Variants in PROSER1 observed in about 807,000 individuals in gnomAD.
PROSER1 encodes proline and serine-rich protein 1.
Under a neutral mutation model 71.8 loss-of-function variants are expected in PROSER1, and 36 were observed. The ratio of observed to expected loss-of-function variants is 0.50; its 90% CI spans 0.38 to 0.66. The LOEUF is 0.66. Among genes scored for constraint, PROSER1 ranks in the 30% least tolerant of loss-of-function variants. The pLI is 0.00. For synonymous variants in PROSER1, 490 were observed against 452.4 expected (o/e 1.08, Z -1.06); for missense variants, 1,107 against 1,135.0 (o/e 0.98, Z 0.35).
Position 39,023,399 on chromosome 13 carries a change from G to A in PROSER1, c.565-269C>T, listed in dbSNP as rs115407654. 9.4e-3 allele frequency: 2,778 copies of A among 294,610 alleles called. 68 individuals carry two copies. Among genetic ancestry groups the A allele is most frequent in the African/African-American group, 0.055 (2,602 of 46,910 alleles). 18.2% of individuals were successfully genotyped at this position (294,610 alleles called of 1,614,324 possible). On this transcript the variant is annotated intron_variant, in intron 7 of 12. Coordinates refer to ENST00000352251, the MANE Select transcript of PROSER1 (RefSeq NM_025138.5). ...CTCCAATAAGGGGTTAGATCTCATT[G>A]TAAACAGCAAACTCCTCCCAGGCCC...
At position 39,013,666 on chromosome 13, in the gene PROSER1, C is replaced by T. The variant is rs947416151; in HGVS notation, c.1586G>A (p.Arg529Lys). Residue 529 changes from arginine (R) to lysine (K), a missense_variant, in exon 11 of 13, where the codon AGG becomes AAG. Physicochemically the swap from Arg to Lys is conservative, Grantham distance 26. Coordinates refer to ENST00000352251, the MANE Select transcript of PROSER1 (RefSeq NM_025138.5). ...CAGGGCCAACCCTGGAGTGGAAGTC[C>T]TCTGTGGGGTAGGGATGGCTGATGG... ...YAPSAIPTPQ[R>K]TSTPGLALFP... 6.2e-7 allele frequency: 1 copy of T among 1,614,124 alleles called. No individual in the cohort carries two copies.
chr13:39,029,167 T>TA (rs1870693896), intron 4 of PROSER1, 114 bp downstream of exon 4: 2 of 598,382 alleles, frequency 3.3e-6, no homozygotes, highest in Non-Finnish European at 5.7e-6. Flanking sequence ...AATGTACCAC[T>TA]ATGCTTTTGA....
chr13:39,037,498 T>C lies in PROSER1; in HGVS notation c.-256A>G. ...AGGCTTCCCCAGCTTATTCACACAA[T>C]GGTTCAGGGCACCTCGGGCAAGAGC... On this transcript the variant is annotated 5_prime_UTR_variant, in exon 1 of 13. Coordinates refer to ENST00000352251, the MANE Select transcript of PROSER1 (RefSeq NM_025138.5). The C allele has an allele frequency of 2.2e-6, 1 of 462,884 alleles. No individual in the cohort carries two copies. The allele number at this position is 462,884 out of a possible 1,614,324, so 28.7% of individuals were successfully genotyped here.
At chr13:39,030,093 T>G (rs897483000) in intron 3 of PROSER1, among the ~76,000 whole-genome samples, 2 of 152,094 alleles carry the variant, frequency 1.3e-5, no homozygotes, top group African/African-American at 4.8e-5. Context: ...CTCCTAAAAT[T>G]TGGAGGAGTG....
intron 11 of PROSER1, 167 bp downstream of exon 11, chr13:39,012,524 T>C (rs1869713887): frequency 1.5e-6 from 1 of 658,388 alleles, no homozygotes; most frequent in Non-Finnish European, 2.6e-6. Flanking sequence ...CATTAATATT[T>C]TATACATTTA....
At chr13:39,033,104 G>A (rs934382522) in intron 2 of PROSER1, among the ~76,000 whole-genome samples, 2 of 152,104 alleles carry the variant, frequency 1.3e-5, no homozygotes, top group Non-Finnish European at 2.9e-5. Context: ...TATTTTTGTA[G>A]AGATGGGGTT....
At chr13:39,029,199 A>C (rs1417202640) in intron 4 of PROSER1, 82 bp downstream of exon 4, 6 of 752,488 alleles carry the variant, frequency 8.0e-6, no homozygotes. Flanking sequence ...TAGACACATT[A>C]ACACACACTA....
intron 1 of PROSER1, 71 bp from the exon 2 acceptor site, chr13:39,034,267 T>C: frequency 7.7e-7 from 1 of 1,300,268 alleles, no homozygotes; most frequent in African/African-American, 1.5e-5. Flanking sequence ...GTAATATACA[T>C]CTATCAAAAC....
At chr13:39,018,320 G>C (rs952256564) in intron 9 of PROSER1, among the ~76,000 whole-genome samples, 2 of 152,042 alleles carry the variant, frequency 1.3e-5, no homozygotes, top group Non-Finnish European at 2.9e-5. Context: ...TACTGTGACA[G>C]GCATACAGTG....
chr13:39,032,089 G>A (rs1330669830), intron 2 of PROSER1, among the ~76,000 whole-genome samples: 1 of 152,148 alleles, frequency 6.6e-6, no homozygotes, highest in Non-Finnish European at 1.5e-5. Flanking sequence ...GACTGTGAAT[G>A]GAAAACCTTT....
rs377289200 is a variant in PROSER1, at chr13:39,017,518, T to C, written c.757A>G (p.Lys253Glu). Residue 253 changes from lysine to glutamate, a missense_variant, in exon 10 of 13, where the codon AAA becomes GAA. By Grantham distance (56) the Lys-to-Glu change is moderately conservative. Transcript: ENST00000352251. ...TACTTACTTTGATTCTGTATAGGTT[T>C]TGACGGATTCGAAAGGTCTTCATTC... ...TENEDLSNPS[K>E]PIQNQTFSTP... 9 of 1,548,344 alleles carry C rather than the reference T, an allele frequency of 5.8e-6. No individual in the cohort carries two copies. The highest frequency in any genetic ancestry group is 2.7e-5 in the African/African-American group (2 of 73,144).
chr13:39,029,825 TA>T (rs2138130140), intron 3 of PROSER1, among the ~76,000 whole-genome samples: 1 of 152,290 alleles, frequency 6.6e-6, no homozygotes, highest in South Asian at 2.1e-4. Context: ...AAAAAAAGGT[TA>T]CACTAGCCAT....
chr13:39,028,283 C>A lies in PROSER1; in HGVS notation c.313G>T (p.Asp105Tyr). The change falls in exon 5 of 13, where the codon GAT becomes TAT. Residue 105 changes from aspartate (D) to tyrosine (Y), a missense_variant. By Grantham distance (160) the Asp-to-Tyr change is radical. Transcript: ENST00000352251. ...TCAGACATATTTACCCTGAATAAAT[C>A]TTCAATAGGACGAGAATTCTGTGCA... is the stretch of plus-strand genomic sequence containing the variant. Reference protein sequence around the residue: ...IDAQNSRPIEDLFRVNMSEKK... With the variant: ...IDAQNSRPIEYLFRVNMSEKK... 6.3e-7 allele frequency: 1 copy of A among 1,599,712 alleles called. No homozygotes were observed.
At chr13:39,016,660 G>A (rs1321305132) in intron 10 of PROSER1, among the ~76,000 whole-genome samples, 2 of 152,142 alleles carry the variant, frequency 1.3e-5, no homozygotes, top group African/African-American at 4.8e-5. Flanking sequence ...CCTTTTCACT[G>A]GAGTTAAATT....
At position 39,029,266 on chromosome 13, in the gene PROSER1, A is replaced by AAT; in HGVS notation, c.275+14_275+15insAT. 7.2e-7 allele frequency: 1 copy of AAT among 1,395,496 alleles called. No individual in the cohort carries two copies. The highest frequency in any genetic ancestry group is 9.7e-7 in the Non-Finnish European group (1 of 1,032,260). The allele number at this position is 1,395,496 out of a possible 1,614,324, so 86.4% of individuals were successfully genotyped here. ...CCCAAGTAAAAAAAAAAAAAAAAAA[A>AAT]AAAGAAATACTTACGAGGCTAACAG... On this transcript the variant is annotated intron_variant, in intron 4 of 12. Transcript: ENST00000352251.
intron 8 of PROSER1, 78 bp from the exon 9 acceptor site, chr13:39,022,490 A>G (rs916263937): frequency 1.1e-6 from 1 of 892,982 alleles, no homozygotes; most frequent in Non-Finnish European, 1.9e-6. Flanking sequence ...CTAGGAGTTC[A>G]AACTATATTA....
chr13:39,025,266 T>C (rs977841263), intron 6 of PROSER1, among the ~76,000 whole-genome samples: 8 of 152,160 alleles, frequency 5.3e-5, no homozygotes, highest in African/African-American at 1.9e-4. Flanking sequence ...CAGATCAGAA[T>C]AAGTTGATAG....
chr13:39,026,125 T>C (rs1011363293), intron 6 of PROSER1, 152 bp downstream of exon 6: 5 of 552,000 alleles, frequency 9.1e-6, no homozygotes, highest in Admixed American at 6.8e-5. Flanking sequence ...CTTAATACTT[T>C]AATGAAGTTT....
intron 2 of PROSER1, among the ~76,000 whole-genome samples, chr13:39,033,186 C>T (rs1870940196): frequency 6.6e-6 from 1 of 152,236 alleles, no homozygotes; most frequent in Non-Finnish European, 1.5e-5. Flanking sequence ...TCCCAAAGTG[C>T]TGGGACTACA....
Sources: allele counts gnomAD v4.1 joint callset (sites outside exome capture counted in the v4.1 genomes callset), GRCh38; gene constraint gnomAD v4.1.1; transcripts MANE v1.5; gene names NCBI Gene and HGNC (gene_info 2026-07-23, HGNC 2026-07-21).